GRM5: variants seen among roughly 807,000 people sequenced by gnomAD.
The protein encoded by GRM5 is metabotropic glutamate receptor 5.
In GRM5, 19 loss-of-function variants were observed where a neutral mutation model predicts 83.1. The observed-to-expected ratio is 0.23, with a 90% CI of 0.16 to 0.34. GRM5 has a LOEUF of 0.34. GRM5 is among the 10% of genes least tolerant of loss of function. GRM5 has a pLI of 1.00. For missense variants in GRM5, 1,160 were observed against 1,588.3 expected, an observed-to-expected ratio of 0.73 and a Z score of 4.58; for synonymous variants, 675 against 633.6, an observed-to-expected ratio of 1.07 and a Z score of -0.98.
chr11:88,769,913 G>A (rs941922431), intron 3 of GRM5, among the ~76,000 whole-genome samples: 1 of 152,034 alleles, frequency 6.6e-6, no homozygotes, highest in Non-Finnish European at 1.5e-5. Flanking sequence ...AGTAAAGTAT[G>A]GAAGTGGGGA....
intron 3 of GRM5, among the ~76,000 whole-genome samples, chr11:88,834,929 G>T (rs1432531767): frequency 1.3e-5 from 2 of 152,002 alleles, no homozygotes; most frequent in African/African-American, 4.8e-5. Flanking sequence ...CTTTTACTTA[G>T]GCTGACTGAG....
chr11:88,744,155 C>T (rs1293639793), intron 3 of GRM5, among the ~76,000 whole-genome samples: 17 of 152,064 alleles, frequency 1.1e-4, no homozygotes, highest in Non-Finnish European at 2.2e-4. Flanking sequence ...AGATAAATAA[C>T]TTTGCGTCTT....
At chr11:88,684,346 A>G (rs1940567821) in intron 3 of GRM5, among the ~76,000 whole-genome samples, 1 of 152,236 alleles carries the variant, frequency 6.6e-6, no homozygotes, top group Non-Finnish European at 1.5e-5. Context: ...TGGAAAATGT[A>G]CTAGAGAGGA....
At chr11:88,976,414 T>G (rs1939337679) in intron 2 of GRM5, among the ~76,000 whole-genome samples, 1 of 152,110 alleles carries the variant, frequency 6.6e-6, no homozygotes, top group Non-Finnish European at 1.5e-5. Flanking sequence ...ATTTCTCAAA[T>G]AGAACTATGG....
intron 2 of GRM5, among the ~76,000 whole-genome samples, chr11:89,001,121 C>T (rs1266518444): frequency 6.6e-6 from 1 of 151,022 alleles, no homozygotes; most frequent in African/African-American, 2.4e-5. Flanking sequence ...GGTTATTTTA[C>T]ATAACTCCAG....
At position 88,705,608 on chromosome 11, in the gene GRM5, G is replaced by GT. The variant is rs1941136067; in HGVS notation, c.912-52206dup. On this transcript the variant is annotated intron_variant, in intron 3 of 9. Coordinates refer to ENST00000305447, the MANE Select transcript of GRM5 (RefSeq NM_001143831.3). ...TTTCCTGAGTAGAGCAGGGTTTTTT[G>GT]TTTGTTTTTTTTTCTCCTACCTTGC... Among the ~76,000 whole-genome samples, 8 of 8,746 alleles carry GT rather than the reference G, an allele frequency of 9.1e-4. No individual in the cohort carries two copies. The Admixed American group carries it at 0.012, about 13-fold the overall frequency. The allele number at this position is 8,746 out of a possible 152,430, so 5.7% of individuals were successfully genotyped here.
At chr11:88,921,676 C>T (rs1279881974) in intron 2 of GRM5, among the ~76,000 whole-genome samples, 1 of 151,894 alleles carries the variant, frequency 6.6e-6, no homozygotes, top group Non-Finnish European at 1.5e-5. Context: ...CAACTGAAAG[C>T]CTTGGATCTA....
intron 7 of GRM5, among the ~76,000 whole-genome samples, chr11:88,588,717 T>C (rs1284639328): frequency 6.6e-6 from 1 of 152,176 alleles, no homozygotes; most frequent in Non-Finnish European, 1.5e-5. Flanking sequence ...CTCGGATATT[T>C]CCATGTTTTT....
At chr11:88,946,144 G>A (rs1168206274) in intron 2 of GRM5, among the ~76,000 whole-genome samples, 1 of 151,774 alleles carries the variant, frequency 6.6e-6, no homozygotes, top group Non-Finnish European at 1.5e-5. Flanking sequence ...AATTATCATC[G>A]CTAATCTTCA....
intron 6 of GRM5, among the ~76,000 whole-genome samples, chr11:88,593,680 A>G (rs1322226423): frequency 6.7e-6 from 1 of 148,790 alleles, no homozygotes; most frequent in Non-Finnish European, 1.5e-5. Flanking sequence ...CCGTCTCAAA[A>G]AAAAAAACAA....
At chr11:88,655,384 A>C (rs1293653270) in intron 3 of GRM5, among the ~76,000 whole-genome samples, 1 of 152,020 alleles carries the variant, frequency 6.6e-6, no homozygotes, top group African/African-American at 2.4e-5. Context: ...ATGGGACAGG[A>C]AGCTCTGTTT....
intron 2 of GRM5, among the ~76,000 whole-genome samples, chr11:88,984,507 T>G (rs1340788751): frequency 6.6e-6 from 1 of 152,162 alleles, no homozygotes; most frequent in African/African-American, 2.4e-5. Context: ...AATGTTGCAT[T>G]TTTCAGAAAG....
intron 3 of GRM5, among the ~76,000 whole-genome samples, chr11:88,751,129 T>G (rs74739885): frequency 0.15 from 11,490 of 76,880 alleles, 790 homozygotes; most frequent in African/African-American, 0.28. Flanking sequence ...ATAAAGGAAA[T>G]AGAGACATGC....
chr11:88,557,742 T>A (rs1942659981), intron 8 of GRM5, among the ~76,000 whole-genome samples: 1 of 151,684 alleles, frequency 6.6e-6, no homozygotes. Context: ...TTCACGTGGC[T>A]TAATCATCCT....
rs1329573414 is a variant in GRM5, at chr11:88,721,706, C to CCTAT, written c.912-68307_912-68304dup. On this transcript the variant is annotated intron_variant, in intron 3 of 9. Coordinates refer to ENST00000305447, the MANE Select transcript of GRM5 (RefSeq NM_001143831.3). The stretch of plus-strand genomic sequence containing the variant: ...ATGGTTGGAAATAAGTGAAAAACAT[C>CCTAT]CTATCTATGAACTCACTTTCAGTAA... Among the ~76,000 whole-genome samples, 10 of 152,190 alleles carry CCTAT rather than the reference C, an allele frequency of 6.6e-5. 1 individual carries two copies. Among genetic ancestry groups the CCTAT allele is most frequent in the South Asian group, 6.2e-4 (3 of 4,824 alleles).
At chr11:88,566,929 G>A (rs886948150) in intron 8 of GRM5, 124 bp downstream of exon 8, 12 of 641,030 alleles carry the variant, frequency 1.9e-5, no homozygotes, top group African/African-American at 7.3e-5. Flanking sequence ...GGTCCATGCC[G>A]TAAGTCACCC....
Position 89,024,031 on chromosome 11 carries a change from C to T in GRM5, c.661+23181G>A, listed in dbSNP as rs1003902210. On this transcript the variant is annotated intron_variant, in intron 2 of 9. Coordinates refer to ENST00000305447, the MANE Select transcript of GRM5 (RefSeq NM_001143831.3). Reference sequence around the variant, plus strand: ...AGGAATTCAAGACCAGCGTGGCCAACGTGGTAAAACCCCGTCTGTACTAAA... The same window carrying T: ...AGGAATTCAAGACCAGCGTGGCCAATGTGGTAAAACCCCGTCTGTACTAAA... 1.5e-4 allele frequency among the ~76,000 whole-genome samples: 23 copies of T among 151,982 alleles called. 1 individual carries two copies. The highest frequency in any genetic ancestry group is 5.1e-4 in the African/African-American group (21 of 41,378).
In GRM5 at chr11:88,509,160, G is replaced by C; in HGVS notation, c.3071C>G (p.Thr1024Arg). The C allele has an allele frequency of 3.2e-6, 5 of 1,538,622 alleles. No homozygotes were observed. Among genetic ancestry groups the C allele is most frequent in the Non-Finnish European group, 4.4e-6 (5 of 1,144,030 alleles). Residue 1024 changes from threonine to arginine, a missense_variant, in exon 10 of 10, where the codon ACG becomes AGG. Physicochemically the swap from Thr to Arg is moderately conservative, Grantham distance 71. This residue lies in a region of GRM5 where 562 missense variants were observed against 532.4 expected (regional missense o/e 1.06). Transcript: ENST00000305447. ...GGCCGAGCCCGCGCGGTGGCTCAGC[G>C]TGCTGATGGGCGACGGTGAGCGCGG... is the stretch of plus-strand genomic sequence containing the variant. ...ARPRSPSPIS[T>R]LSHRAGSASR...
chr11:88,565,061 C>A (rs898668508), intron 8 of GRM5, among the ~76,000 whole-genome samples: 3 of 151,092 alleles, frequency 2.0e-5, no homozygotes, highest in Admixed American at 1.3e-4. Context: ...AGACACTATA[C>A]ACATGTTAAC....
Sources: allele counts gnomAD v4.1 joint callset (sites outside exome capture counted in the v4.1 genomes callset), GRCh38; gene constraint gnomAD v4.1.1; regional missense constraint gnomAD v4.1.1; transcripts MANE v1.5; gene names NCBI Gene and HGNC (gene_info 2026-07-23, HGNC 2026-07-21).